The following POU3F3 variants were observed in gnomAD, a reference collection of about 807,000 sequenced individuals.
The protein encoded by POU3F3 is POU domain, class 3, transcription factor 3.
POU3F3 carries 1 observed loss-of-function variant against 8.6 expected under a neutral mutation model. That is an observed-to-expected ratio of 0.12 (90% CI 0.04 to 0.55). The LOEUF is 0.55. POU3F3 is among the 20% of genes least tolerant of loss of function. The probability of loss-of-function intolerance (pLI) is 0.91; values close to 1 mark genes in which losing one functional copy is unlikely to be tolerated. For synonymous variants in POU3F3, 418 were observed against 327.4 expected (o/e 1.28, Z -2.99); for missense variants, 577 against 690.7 (o/e 0.84, Z 1.84).
downstream of POU3F3, chr2:104,858,664 C>T (rs1367822969): frequency 6.6e-6 from 1 of 152,134 alleles, no homozygotes; most frequent in Non-Finnish European, 1.5e-5. Flanking sequence ...TAAGTAATAG[C>T]GTTGAGGAAG....
chr2:104,878,748 C>T, the POU3F3 span, among the ~76,000 whole-genome samples: 2 of 152,164 alleles, frequency 1.3e-5, no homozygotes, highest in Admixed American at 1.3e-4. Context: ...GGTGGAATTA[C>T]TGAGGGGGGT....
the POU3F3 span, among the ~76,000 whole-genome samples, chr2:104,918,833 A>C: frequency 6.6e-6 from 1 of 152,080 alleles, no homozygotes; most frequent in Admixed American, 6.6e-5. Context: ...CCCGATCTGC[A>C]AAGAGAAAGA....
chr2:104,867,285 C>A, the POU3F3 span: 2 of 152,338 alleles, frequency 1.3e-5, 1 homozygote, highest in South Asian at 4.1e-4. This position sits in a 1 kb window ranked among gnomAD's most constrained non-coding sequence, Gnocchi z 5.0. Context: ...TGATCCTGGG[C>A]AGATCCCCTG....
chr2:104,926,984 T>C, the POU3F3 span, among the ~76,000 whole-genome samples: 5 of 152,054 alleles, frequency 3.3e-5, no homozygotes, highest in African/African-American at 4.8e-5. Context: ...GGGATAGCAT[T>C]AGAAGAAACA....
the POU3F3 span, among the ~76,000 whole-genome samples, chr2:104,900,808 C>T: frequency 1.3e-5 from 2 of 152,160 alleles, no homozygotes; most frequent in African/African-American, 4.8e-5. Context: ...TTTCAGCCTG[C>T]GCCAAGTGGC....
chr2:104,857,128 C>A lies in POU3F3; in HGVS notation c.*115C>A, dbSNP rs1057398910. ...GCCGCCGCCGCCGCTGCCGCCGCCGCGCCGACCCTGCACCTGGGCCGCTCC... is the reference window on the plus strand; with the variant it reads ...GCCGCCGCCGCCGCTGCCGCCGCCGAGCCGACCCTGCACCTGGGCCGCTCC... On this transcript the variant is annotated 3_prime_UTR_variant, in exon 1 of 1. Coordinates refer to ENST00000361360, the MANE Select transcript of POU3F3 (RefSeq NM_006236.3). The A allele has an allele frequency of 1.0e-6, 1 of 964,632 alleles. No homozygotes were observed. Among genetic ancestry groups the A allele is most frequent in the Non-Finnish European group, 1.2e-6 (1 of 812,282 alleles). 59.8% of individuals were successfully genotyped at this position (964,632 alleles called of 1,614,324 possible). A position where few individuals can be genotyped will look rare whatever the true frequency, so the allele number is the denominator to read the frequency against.
chr2:104,872,479 G>A, the POU3F3 span: 1 of 392,976 alleles, frequency 2.5e-6, no homozygotes. The surrounding 1 kb of genome is among the most constrained non-coding windows in gnomAD (Gnocchi z 4.6). Flanking sequence ...CGGCCCGTTC[G>A]CCCCGAGCCT....
rs1676594870 is a variant in POU3F3, at chr2:104,857,453, T to A, written c.*440T>A. 6.5e-6 allele frequency: 1 copy of A among 153,552 alleles called. No homozygotes were observed. The highest frequency in any genetic ancestry group is 1.9e-4 in the East Asian group (1 of 5,154). 9.5% of individuals were successfully genotyped at this position (153,552 alleles called of 1,614,324 possible). ...GATGCCTGACGCACGAAAACTGCAC[T>A]CGTGAGGTTTTTCCACCCTGAGATG... is the stretch of plus-strand genomic sequence containing the variant. On this transcript the variant is annotated 3_prime_UTR_variant, in exon 1 of 1. Coordinates refer to ENST00000361360, the MANE Select transcript of POU3F3 (RefSeq NM_006236.3).
the POU3F3 span, among the ~76,000 whole-genome samples, chr2:104,907,221 T>C: frequency 6.6e-6 from 1 of 152,150 alleles, no homozygotes; most frequent in Non-Finnish European, 1.5e-5. Flanking sequence ...GAGTGGATAA[T>C]TCTCATCCAT....
In POU3F3 at chr2:104,855,839, CTGCCGCCGCCGCCGCCG is replaced by C; in HGVS notation, c.332_348del (p.Ala111GlyfsTer523). 1 of 1,106,050 alleles carries C rather than the reference CTGCCGCCGCCGCCGCCG, an allele frequency of 9.0e-7. No individual in the cohort carries two copies. The highest frequency in any genetic ancestry group is 1.1e-6 in the Non-Finnish European group (1 of 908,952). The allele number at this position is 1,106,050 out of a possible 1,614,324, so 68.5% of individuals were successfully genotyped here. A position where few individuals can be genotyped will look rare whatever the true frequency, so the allele number is the denominator to read the frequency against. Reference sequence around the variant, plus strand: ...CCCCACGCCGCCGCCGCCGCCGCCGCTGCCGCCGCCGCCGCCGTGGAGGCGAGCTCGCCGTGGTCGGG... The same window carrying C: ...CCCCACGCCGCCGCCGCCGCCGCCGCTGGAGGCGAGCTCGCCGTGGTCGGG... On this transcript the variant is annotated frameshift_variant, in exon 1 of 1. Coordinates refer to ENST00000361360, the MANE Select transcript of POU3F3 (RefSeq NM_006236.3). LOFTEE classifies it low-confidence loss of function (END_TRUNC).
In POU3F3 at chr2:104,855,627, C is replaced by CGGCGGGGGCGGCGCAGGG; in HGVS notation, c.131_148dup (p.Ala44_Gly49dup). 1.6e-6 allele frequency: 1 copy of CGGCGGGGGCGGCGCAGGG among 644,056 alleles called. No individual in the cohort carries two copies. The highest frequency in any genetic ancestry group is 1.3e-4 in the Admixed American group (1 of 7,488). 39.9% of individuals were successfully genotyped at this position (644,056 alleles called of 1,614,324 possible). A position where few individuals can be genotyped will look rare whatever the true frequency, so the allele number is the denominator to read the frequency against. Reference sequence around the variant, plus strand: ...GCGGCGGGGGTGGCGGCGGCGGCGGCGGCGGGGGCGGCGCAGGGGGCGGGG... The same window carrying CGGCGGGGGCGGCGCAGGG: ...GCGGCGGGGGTGGCGGCGGCGGCGGCGGCGGGGGCGGCGCAGGGGGCGGGGGCGGCGCAGGGGGCGGGG... On this transcript the variant is annotated inframe_insertion, in exon 1 of 1. Transcript: ENST00000361360.
chr2:104,863,796 CGCTCGGGTCCCCATG>C, the POU3F3 span, among the ~76,000 whole-genome samples: 1 of 152,340 alleles, frequency 6.6e-6, no homozygotes, highest in Admixed American at 6.5e-5. Flanking sequence ...CATAACCTTT[CGCTCGGGTCCCCATG>C]TGCGGGCAGA....
the POU3F3 span, among the ~76,000 whole-genome samples, chr2:104,915,759 G>T: frequency 6.6e-6 from 1 of 151,646 alleles, no homozygotes; most frequent in Non-Finnish European, 1.5e-5. Flanking sequence ...GCAAATCGCT[G>T]GACTGTCCAG....
the POU3F3 span, among the ~76,000 whole-genome samples, chr2:104,895,217 T>C: frequency 2.6e-5 from 4 of 152,168 alleles, no homozygotes; most frequent in Non-Finnish European, 5.9e-5. Context: ...CCCGACAATT[T>C]CAAAGCCAAT....
the POU3F3 span, among the ~76,000 whole-genome samples, chr2:104,919,492 T>C: frequency 6.6e-6 from 1 of 152,148 alleles, no homozygotes; most frequent in Non-Finnish European, 1.5e-5. Context: ...ACATCCGACT[T>C]ATTTGGCAAT....
the POU3F3 span, among the ~76,000 whole-genome samples, chr2:104,874,881 G>A: frequency 6.6e-6 from 1 of 152,048 alleles, no homozygotes; most frequent in African/African-American, 2.4e-5. Context: ...CATAGTTCAG[G>A]GCATTAAGTA....
At chr2:104,917,045 C>T in the POU3F3 span, among the ~76,000 whole-genome samples, 380 of 152,330 alleles carry the variant, frequency 2.5e-3, 1 homozygote, top group African/African-American at 8.8e-3. Flanking sequence ...TGAACAGAGA[C>T]ATCCATCTTC....
rs1240126075 is a variant in POU3F3 at position 104,855,394 on chromosome 2, G to C, written c.-117G>C. ...GCCCGGGGCGGGGGCGGGGAAGGAG[G>C]GGGGGAGGAGGCGGGAGGCGGGGGG... On this transcript the variant is annotated 5_prime_UTR_variant, in exon 1 of 1. Transcript: ENST00000361360. 30 of 378,686 alleles carry C rather than the reference G, an allele frequency of 7.9e-5. No individual in the cohort carries two copies. Among genetic ancestry groups the C allele is most frequent in the South Asian group, 2.1e-4 (2 of 9,604 alleles). 23.5% of individuals were successfully genotyped at this position (378,686 alleles called of 1,614,324 possible). A position where few individuals can be genotyped will look rare whatever the true frequency, so the allele number is the denominator to read the frequency against.
At chr2:104,910,502 A>G in the POU3F3 span, among the ~76,000 whole-genome samples, 1 of 152,144 alleles carries the variant, frequency 6.6e-6, no homozygotes, top group Non-Finnish European at 1.5e-5. Flanking sequence ...TCCAGGTATT[A>G]TTTCACTTAT....
Sources: gnomAD v4.1 joint callset for allele counts (sites outside exome capture counted in the v4.1 genomes callset) on GRCh38, gnomAD v4.1.1 for gene constraint, Gnocchi (gnomAD v3.1) non-coding constraint, MANE v1.5 for transcripts, NCBI Gene and HGNC (gene_info 2026-07-23, HGNC 2026-07-21) for gene names.